Variants in CYTH1 observed in about 807,000 individuals in gnomAD.
CYTH1 encodes the protein cytohesin 1, also known as cytohesin-1.
In CYTH1, 18 loss-of-function variants were observed where a neutral mutation model predicts 61.8. The ratio of observed to expected loss-of-function variants is 0.29; its 90% CI spans 0.20 to 0.43. CYTH1 has a LOEUF of 0.43. Among genes scored for constraint, CYTH1 ranks in the 20% least tolerant of loss-of-function variants. CYTH1 has a pLI of 1.00. For synonymous variants in CYTH1, 174 were observed against 184.3 expected (o/e 0.94, Z 0.45); for missense variants, 336 against 510.5 (o/e 0.66, Z 3.29).
Position 78,680,185 on chromosome 17 carries a change from CT to C in CYTH1, c.1118+4del, listed in dbSNP as rs1567821824. 6.2e-7 allele frequency: 1 copy of C among 1,614,118 alleles called. No individual in the cohort carries two copies. Among genetic ancestry groups the C allele is most frequent in the Admixed American group, 1.7e-5 (1 of 60,022 alleles). On this transcript the variant is annotated splice_donor_region_variant and intron_variant, in intron 13 of 13. Transcript: ENST00000446868. ...GCGCACTGCCCTTTCTCAGCAGTCA[CT>C]TACTTAATGCACTTAATCCACTCCT...
At chr17:78,698,146 C>T (rs998995626) in intron 9 of CYTH1, 123 bp downstream of exon 9, 29 of 810,082 alleles carry the variant, frequency 3.6e-5, no homozygotes, top group African/African-American at 1.2e-4. Context: ...CACACACGCA[C>T]GCGCACACAT....
At chr17:78,731,486 G>A (rs903966919) in intron 1 of CYTH1, among the ~76,000 whole-genome samples, 14 of 152,130 alleles carry the variant, frequency 9.2e-5, no homozygotes, top group South Asian at 2.1e-4. Flanking sequence ...CTCGTCGGGC[G>A]CGGTGGTTCA....
chr17:78,677,234 T>TG (rs2092710169), intron 13 of CYTH1: 1 of 381,940 alleles, frequency 2.6e-6, no homozygotes, highest in East Asian at 7.2e-5. Context: ...TTGGAGGTGT[T>TG]GGGGTGAATC....
intron 1 of CYTH1, among the ~76,000 whole-genome samples, chr17:78,752,090 C>T (rs1050310550): frequency 5.3e-5 from 8 of 152,126 alleles, no homozygotes; most frequent in African/African-American, 1.7e-4. Flanking sequence ...GGGAAAGAAA[C>T]GGAGAAATTT....
At chr17:78,698,724 A>G (rs1443898642) in intron 8 of CYTH1, 96 bp downstream of exon 8, 10 of 1,373,040 alleles carry the variant, frequency 7.3e-6, no homozygotes, top group Middle Eastern at 2.6e-4. Context: ...GAGACCCTTG[A>G]TAAATTGTAT....
chr17:78,781,818 G>A (rs2039402074), intron 1 of CYTH1, among the ~76,000 whole-genome samples: 2 of 151,208 alleles, frequency 1.3e-5, no homozygotes, highest in African/African-American at 4.9e-5. Context: ...CTGCCCCGGG[G>A]ACCCCAGCGA....
intron 1 of CYTH1, among the ~76,000 whole-genome samples, chr17:78,726,095 G>C (rs995077378): frequency 2.7e-5 from 4 of 148,158 alleles, no homozygotes; most frequent in Non-Finnish European, 5.9e-5. Flanking sequence ...CCAGGCTGGA[G>C]TGCAGTGGCG....
In CYTH1 at chr17:78,675,734, G is replaced by A. The variant is rs1250160161; in HGVS notation, c.*357C>T. ...TGGACACATGTATTTATGGTGCAGGGTTTGAAGGCTTCTTCACGGGGACAA... is the reference window on the plus strand; with the variant it reads ...TGGACACATGTATTTATGGTGCAGGATTTGAAGGCTTCTTCACGGGGACAA... On this transcript the variant is annotated 3_prime_UTR_variant, in exon 14 of 14. Coordinates refer to ENST00000446868, the MANE Select transcript of CYTH1 (RefSeq NM_004762.6). The A allele has an allele frequency of 3.3e-6, 2 of 612,648 alleles. No individual in the cohort carries two copies. The highest frequency in any genetic ancestry group is 5.7e-5 in the South Asian group (2 of 34,882). The allele number at this position is 612,648 out of a possible 1,614,324, so 38.0% of individuals were successfully genotyped here. A position where few individuals can be genotyped will look rare whatever the true frequency, so the allele number is the denominator to read the frequency against.
At chr17:78,709,130 T>A (rs2093100389) in intron 2 of CYTH1, 1 of 153,524 alleles carries the variant, frequency 6.5e-6, no homozygotes. Flanking sequence ...ACTAAGTACA[T>A]CTATAGGGAC....
chr17:78,706,390 C>A (rs1403984386), intron 3 of CYTH1, among the ~76,000 whole-genome samples: 1 of 151,690 alleles, frequency 6.6e-6, no homozygotes, highest in African/African-American at 2.4e-5. Context: ...GATGCTCACG[C>A]ATGGAAGCAC....
At position 78,702,421 on chromosome 17, in the gene CYTH1, T is replaced by C. The variant is rs2093020781; in HGVS notation, c.237+117A>G. On this transcript the variant is annotated intron_variant, in intron 4 of 13. Transcript: ENST00000446868. ...CAAGGGCTTAGTGCATAACATTTGC[T>C]CTACAAAACGGCAACATGAACTGTA... 6 of 1,174,856 alleles carry C rather than the reference T, an allele frequency of 5.1e-6. No homozygotes were observed. The South Asian group carries it at 8.3e-5, about 16-fold the overall frequency. 72.8% of individuals were successfully genotyped at this position (1,174,856 alleles called of 1,614,324 possible). A position where few individuals can be genotyped will look rare whatever the true frequency, so the allele number is the denominator to read the frequency against.
At chr17:78,764,198 CTTT>C (rs534021959) in intron 1 of CYTH1, among the ~76,000 whole-genome samples, 4 of 140,492 alleles carry the variant, frequency 2.8e-5, no homozygotes, top group African/African-American at 2.6e-5. Flanking sequence ...ATCTAAATGT[CTTT>C]TTTTTTTTTT....
chr17:78,761,653 A>G (rs1049034539), intron 1 of CYTH1, among the ~76,000 whole-genome samples: 6 of 152,058 alleles, frequency 3.9e-5, no homozygotes, highest in South Asian at 2.1e-4. Context: ...CAGGAGAATG[A>G]CGTGAACCCG....
intron 1 of CYTH1, among the ~76,000 whole-genome samples, chr17:78,730,927 G>A (rs920407376): frequency 6.6e-6 from 1 of 152,098 alleles, no homozygotes; most frequent in African/African-American, 2.4e-5. Flanking sequence ...GCCTCCCAAA[G>A]TGCTGGGATT....
chr17:78,770,156 A>AG (rs2144749270), intron 1 of CYTH1, among the ~76,000 whole-genome samples: 1 of 151,536 alleles, frequency 6.6e-6, no homozygotes, highest in East Asian at 2.0e-4. Context: ...CTCAAAAAAA[A>AG]AAAAGAAAAA....
rs1283112522 is a variant in CYTH1 at position 78,674,229 on chromosome 17, T to C, written c.*1862A>G. 1 of 152,664 alleles carries C rather than the reference T, an allele frequency of 6.6e-6. No homozygotes were observed. The highest frequency in any genetic ancestry group is 2.4e-5 in the African/African-American group (1 of 41,464). 9.5% of individuals were successfully genotyped at this position (152,664 alleles called of 1,614,324 possible). On this transcript the variant is annotated 3_prime_UTR_variant, in exon 14 of 14. Transcript: ENST00000446868. Reference sequence around the variant, plus strand: ...TCTTTTAAACAAATACAAAATAATCTAAAAGGAGAAAAACTATACATAGAT... The same window carrying C: ...TCTTTTAAACAAATACAAAATAATCCAAAAGGAGAAAAACTATACATAGAT...
chr17:78,699,586 CATA>C (rs1298269068), intron 7 of CYTH1, among the ~76,000 whole-genome samples: 7 of 152,268 alleles, frequency 4.6e-5, no homozygotes, highest in African/African-American at 1.7e-4. Context: ...TGTAATGACC[CATA>C]ATCCCACTAT....
chr17:78,731,771 AC>A lies in CYTH1; in HGVS notation c.23-22040del, dbSNP rs71365532. Among the ~76,000 whole-genome samples, 38 of 151,108 alleles carry A rather than the reference AC, an allele frequency of 2.5e-4. 1 individual carries two copies. Among genetic ancestry groups the A allele is most frequent in the African/African-American group, 7.3e-4 (30 of 41,132 alleles). On this transcript the variant is annotated intron_variant, in intron 1 of 13. Transcript: ENST00000446868. ...ACTCCGTCTCAAAAAAAAAAAAAAA[AC>A]AAAAAAAAACAAATAAAAAGGAAAT... is the stretch of plus-strand genomic sequence containing the variant.
chr17:78,726,386 T>G (rs1468584846), intron 1 of CYTH1, among the ~76,000 whole-genome samples: 1 of 149,458 alleles, frequency 6.7e-6, no homozygotes, highest in Admixed American at 6.6e-5. Context: ...CGAGGCCCCC[T>G]GTCAGTTACT....
Sources: allele counts gnomAD v4.1 joint callset (sites outside exome capture counted in the v4.1 genomes callset), GRCh38; gene constraint gnomAD v4.1.1; transcripts MANE v1.5; gene names NCBI Gene and HGNC (gene_info 2026-07-23, HGNC 2026-07-21).